The following ENTHD1 variants were observed in gnomAD, a reference collection of about 807,000 sequenced individuals.
ENTHD1 encodes ENTH domain-containing protein 1.
A neutral mutation model predicts 39.1 loss-of-function variants in ENTHD1; 23 were observed. That is an observed-to-expected ratio of 0.59 (90% CI 0.42 to 0.83). The LOEUF is 0.83. ENTHD1 is among the 40% of genes least tolerant of loss of function. The probability of loss-of-function intolerance (pLI) is 0.00; values close to 1 mark genes in which losing one functional copy is unlikely to be tolerated. For missense variants in ENTHD1, 624 were observed against 705.4 expected, an observed-to-expected ratio of 0.88 and a Z score of 1.31; for synonymous variants, 230 against 258.2, an observed-to-expected ratio of 0.89 and a Z score of 1.05.
At chr22:39,889,320 G>T (rs2066408027) in intron 1 of ENTHD1, among the ~76,000 whole-genome samples, 1 of 152,146 alleles carries the variant, frequency 6.6e-6, no homozygotes, top group Non-Finnish European at 1.5e-5. Context: ...AAAGGGAAAT[G>T]CAGCCCCCAA....
chr22:39,827,271 T>C (rs1308142867), intron 4 of ENTHD1, among the ~76,000 whole-genome samples: 4 of 152,114 alleles, frequency 2.6e-5, no homozygotes, highest in Non-Finnish European at 5.9e-5. Context: ...CGCCTCAGCC[T>C]CTCAAAGAGC....
chr22:39,862,415 G>C (rs2146726511), intron 2 of ENTHD1, among the ~76,000 whole-genome samples: 1 of 152,078 alleles, frequency 6.6e-6, no homozygotes, highest in South Asian at 2.1e-4. Flanking sequence ...GGGCATGGTG[G>C]CATGTGCCTG....
At chr22:39,804,194 CAAAAG>C (rs1240385933) in intron 5 of ENTHD1, among the ~76,000 whole-genome samples, 2 of 151,246 alleles carry the variant, frequency 1.3e-5, no homozygotes, top group African/African-American at 4.9e-5. Flanking sequence ...AAAAACAAAA[CAAAAG>C]AAAAGGCTGA....
intron 5 of ENTHD1, among the ~76,000 whole-genome samples, chr22:39,815,170 T>G (rs981722933): frequency 6.6e-6 from 1 of 152,206 alleles, no homozygotes; most frequent in Non-Finnish European, 1.5e-5. Flanking sequence ...AAATACATTT[T>G]AAGGCCTGGT....
intron 5 of ENTHD1, among the ~76,000 whole-genome samples, chr22:39,805,274 C>T (rs890049290): frequency 3.7e-4 from 57 of 152,192 alleles, no homozygotes; most frequent in African/African-American, 1.4e-3. Context: ...ACCCTCTTCA[C>T]CTCACAGCTG....
chr22:39,888,684 C>G (rs1177828541), intron 1 of ENTHD1, among the ~76,000 whole-genome samples: 27 of 152,080 alleles, frequency 1.8e-4, no homozygotes, highest in Admixed American at 1.8e-3. Flanking sequence ...CCTCAGCCTC[C>G]CAAAGTGCTG....
chr22:39,814,295 C>CAAAAAAAAAAAAAAAAAAAAAAAAAAAAA (rs77915572), intron 5 of ENTHD1, among the ~76,000 whole-genome samples: 1 of 97,740 alleles, frequency 1.0e-5, no homozygotes, highest in African/African-American at 3.6e-5. Context: ...CCCATCTCTA[C>CAAAAAAAAAAAAAAAAAAAAAAAAAAAAA]AAAAAAAAAA....
intron 4 of ENTHD1, among the ~76,000 whole-genome samples, chr22:39,829,096 T>A (rs1230261183): frequency 6.6e-6 from 1 of 152,200 alleles, no homozygotes; most frequent in Non-Finnish European, 1.5e-5. Flanking sequence ...ACTGTTCAAC[T>A]TACTAGGTTT....
rs564967480 is a variant in ENTHD1 at position 39,799,697 on chromosome 22, C to T, written c.832+21296G>A. Among the ~76,000 whole-genome samples the T allele has an allele frequency of 1.2e-4, 18 of 152,304 alleles. No individual in the cohort carries two copies. In the East Asian group the frequency reaches 2.5e-3, roughly 21 times the overall value. On this transcript the variant is annotated intron_variant, in intron 5 of 6. Transcript: ENST00000325157. Reference sequence around the variant, plus strand: ...CAAGCTCTTAGTCTGAGCCACTCCACGCTGATTTACTTCCCTTACTGCGCA... The same window carrying T: ...CAAGCTCTTAGTCTGAGCCACTCCATGCTGATTTACTTCCCTTACTGCGCA...
intron 5 of ENTHD1, among the ~76,000 whole-genome samples, chr22:39,791,768 G>C (rs1260388207): frequency 6.6e-6 from 1 of 152,046 alleles, no homozygotes; most frequent in Non-Finnish European, 1.5e-5. Context: ...CAGAACACAG[G>C]TTTGTTATAT....
At chr22:39,858,636 C>G (rs1161819027) in intron 3 of ENTHD1, among the ~76,000 whole-genome samples, 2 of 152,186 alleles carry the variant, frequency 1.3e-5, no homozygotes, top group African/African-American at 4.8e-5. Flanking sequence ...GTTGAAATCA[C>G]TCCTTGATCC....
intron 6 of ENTHD1, 113 bp downstream of exon 6, chr22:39,765,110 G>A (rs2065263955): frequency 7.0e-7 from 1 of 1,420,624 alleles, no homozygotes; most frequent in Non-Finnish European, 9.2e-7. Flanking sequence ...AGAGTGAAAG[G>A]AGGGAACAAA....
At chr22:39,799,617 T>C (rs939756544) in intron 5 of ENTHD1, among the ~76,000 whole-genome samples, 1 of 152,216 alleles carries the variant, frequency 6.6e-6, no homozygotes, top group African/African-American at 2.4e-5. Context: ...TAGACTCCCC[T>C]GCAGCGTAAG....
intron 4 of ENTHD1, among the ~76,000 whole-genome samples, chr22:39,829,267 G>A (rs537338749): frequency 4.1e-4 from 63 of 151,858 alleles, no homozygotes; most frequent in African/African-American, 1.5e-3. Flanking sequence ...AACTTCTTTT[G>A]AGAGAAATGC....
intron 3 of ENTHD1, among the ~76,000 whole-genome samples, chr22:39,856,535 A>G (rs1359260059): frequency 1.3e-5 from 2 of 152,198 alleles, no homozygotes; most frequent in African/African-American, 4.8e-5. Context: ...CAAATTTACT[A>G]TAGATTTTAC....
intron 4 of ENTHD1, 106 bp downstream of exon 4, chr22:39,835,734 G>T: frequency 2.9e-6 from 2 of 695,880 alleles, no homozygotes; most frequent in Non-Finnish European, 4.7e-6. Context: ...AGCCCAGTGA[G>T]CCCTGGGTCA....
chr22:39,881,098 A>G (rs2066333905), intron 2 of ENTHD1, among the ~76,000 whole-genome samples: 2 of 152,258 alleles, frequency 1.3e-5, no homozygotes, highest in South Asian at 4.1e-4. Flanking sequence ...TACAAAGTGC[A>G]GTAAACATGC....
At chr22:39,809,304 A>G (rs2065667747) in intron 5 of ENTHD1, among the ~76,000 whole-genome samples, 1 of 152,106 alleles carries the variant, frequency 6.6e-6, no homozygotes, top group African/African-American at 2.4e-5. Flanking sequence ...GGGTCACACT[A>G]CTCCTTCCTA....
rs185741079 is a variant in ENTHD1 at position 39,857,150 on chromosome 22, G to C, written c.592+4615C>G. On this transcript the variant is annotated intron_variant, in intron 3 of 6. Transcript: ENST00000325157. ...AGAATATCATTTTAGGTTTAAAAACGCAATCTGTGGGGCTGGGCGCAGTGG... is the reference window on the plus strand; with the variant it reads ...AGAATATCATTTTAGGTTTAAAAACCCAATCTGTGGGGCTGGGCGCAGTGG... Among the ~76,000 whole-genome samples the C allele has an allele frequency of 5.4e-3, 823 of 152,088 alleles. 8 individuals carry two copies. Among genetic ancestry groups the C allele is most frequent in the Middle Eastern group, 0.02 (6 of 294 alleles).
Sources: gnomAD v4.1 joint callset for allele counts (sites outside exome capture counted in the v4.1 genomes callset) on GRCh38, gnomAD v4.1.1 for gene constraint, MANE v1.5 for transcripts, NCBI Gene and HGNC (gene_info 2026-07-23, HGNC 2026-07-21) for gene names.